Variants in NBAS observed in about 807,000 individuals in gnomAD.
NBAS encodes the protein NBAS subunit of NRZ tethering complex.
A neutral mutation model predicts 302.5 loss-of-function variants in NBAS; 219 were observed. The observed-to-expected ratio is 0.72, with a 90% CI of 0.65 to 0.81. The LOEUF (loss-of-function observed/expected upper bound fraction) is 0.81, where lower values mean the gene tolerates loss of function less well. Among genes scored for constraint, NBAS ranks in the 30% least tolerant of loss-of-function variants. The probability of loss-of-function intolerance (pLI) is 0.00; values close to 1 mark genes in which losing one functional copy is unlikely to be tolerated. For synonymous variants in NBAS, 1,118 were observed against 1,021.6 expected, an observed-to-expected ratio of 1.09 and a Z score of -1.80; for missense variants, 2,932 against 2,841.6, an observed-to-expected ratio of 1.03 and a Z score of -0.72.
the NBAS span, among the ~76,000 whole-genome samples, chr2:15,003,673 C>G: frequency 6.6e-6 from 1 of 152,202 alleles, no homozygotes; most frequent in Non-Finnish European, 1.5e-5. Context: ...TCCTCTGAGC[C>G]TGAGCCCAGC....
chr2:15,536,473 A>G lies in NBAS; in HGVS notation c.592T>C (p.Ser198Pro), dbSNP rs2148684182. The change falls in exon 8 of 52, where the codon TCT (serine) becomes CCT (proline). Residue 198 changes from serine (S) to proline (P), a missense_variant. By Grantham distance (74) the Ser-to-Pro change is moderately conservative. Coordinates refer to ENST00000281513, the MANE Select transcript of NBAS (RefSeq NM_015909.4). The stretch of plus-strand genomic sequence containing the variant: ...TAATTGATGACCAGGAGTTCTGCAG[A>G]CCACTGTGCACTTGCTTTATATTCT... The part of the protein sequence containing the change: ...FLEYKASAQW[S>P]AELLVINYRG... 1 of 1,613,712 alleles carries G rather than the reference A, an allele frequency of 6.2e-7. No individual in the cohort carries two copies. The highest frequency in any genetic ancestry group is 2.2e-5 in the East Asian group (1 of 44,874).
the NBAS span, among the ~76,000 whole-genome samples, chr2:15,131,843 C>T: frequency 3.9e-5 from 6 of 152,114 alleles, no homozygotes; most frequent in Admixed American, 6.5e-5. Context: ...AAAAGTGAAG[C>T]AGAAGCAGGC....
At chr2:15,010,169 A>G in the NBAS span, among the ~76,000 whole-genome samples, 2 of 152,204 alleles carry the variant, frequency 1.3e-5, no homozygotes, top group Non-Finnish European at 2.9e-5. Flanking sequence ...TGACCCATAC[A>G]GGAACACCAA....
intron 44 of NBAS, among the ~76,000 whole-genome samples, chr2:15,239,223 G>C (rs2147947414): frequency 6.6e-6 from 1 of 152,056 alleles, no homozygotes; most frequent in Non-Finnish European, 1.5e-5. Flanking sequence ...GTCATAGAAT[G>C]TTAAAACTTA....
At chr2:15,278,118 G>A (rs1382964074) in intron 42 of NBAS, among the ~76,000 whole-genome samples, 1 of 152,144 alleles carries the variant, frequency 6.6e-6, no homozygotes, top group Non-Finnish European at 1.5e-5. Flanking sequence ...TACTGAAAGT[G>A]CCCAAAGACA....
At chr2:14,990,340 A>C in the NBAS span, among the ~76,000 whole-genome samples, 13,099 of 150,966 alleles carry the variant, frequency 0.087, 1,502 homozygotes, top group African/African-American at 0.25. Flanking sequence ...AGGAGAATCG[A>C]TTGAACCTGG....
chr2:15,297,178 A>G (rs182650468), intron 40 of NBAS, among the ~76,000 whole-genome samples: 112 of 152,340 alleles, frequency 7.4e-4, no homozygotes, highest in Admixed American at 2.2e-3. Flanking sequence ...TAAAGAATGA[A>G]CTTAGATCTA....
the NBAS span, among the ~76,000 whole-genome samples, chr2:15,030,553 G>A: frequency 3.3e-5 from 5 of 152,216 alleles, no homozygotes; most frequent in Admixed American, 6.5e-5. Flanking sequence ...GACAGAGCAG[G>A]TGTGGGCACC....
Position 15,285,468 on chromosome 2 carries a change from T to A in NBAS, c.5138+1605A>T, listed in dbSNP as rs1288129119. Among the ~76,000 whole-genome samples the A allele has an allele frequency of 2.0e-5, 3 of 152,162 alleles. No homozygotes were observed. The East Asian group carries it at 5.8e-4, about 29-fold the overall frequency. On this transcript the variant is annotated intron_variant, in intron 42 of 51. Coordinates refer to ENST00000281513, the MANE Select transcript of NBAS (RefSeq NM_015909.4). The stretch of plus-strand genomic sequence containing the variant: ...TCAAGCACTGCCTCAAGCTTTCTCC[T>A]TTCCTCATTCTCTGTTCTTTCCCCA...
chr2:15,199,247 A>C lies in NBAS; in HGVS notation c.6433-8844T>G, dbSNP rs147046365. On this transcript the variant is annotated intron_variant, in intron 48 of 51. Coordinates refer to ENST00000281513, the MANE Select transcript of NBAS (RefSeq NM_015909.4). ...AAGGAAATATTGCCCTAAGATCACA[A>C]ATCACAAAAGATGAAGCAAATGGGT... is the stretch of plus-strand genomic sequence containing the variant. Among the ~76,000 whole-genome samples, 455 of 152,282 alleles carry C rather than the reference A, an allele frequency of 3.0e-3. 3 individuals are homozygous for C. The highest frequency in any genetic ancestry group is 0.01 in the African/African-American group (424 of 41,558).
chr2:15,290,219 G>A (rs1399683029), intron 41 of NBAS, among the ~76,000 whole-genome samples: 1 of 151,958 alleles, frequency 6.6e-6, no homozygotes, highest in Non-Finnish European at 1.5e-5. Flanking sequence ...GCAAACGGAA[G>A]GACACAAATC....
At chr2:15,539,459 C>T (rs982578362) in intron 6 of NBAS, 103 bp from the exon 7 acceptor site, 72 of 1,364,076 alleles carry the variant, frequency 5.3e-5, no homozygotes, top group South Asian at 8.5e-5. Flanking sequence ...ACAATAATTA[C>T]GTCATCTCCT....
chr2:15,265,349 C>A (rs1352535581), intron 44 of NBAS, among the ~76,000 whole-genome samples: 1 of 152,134 alleles, frequency 6.6e-6, no homozygotes, highest in South Asian at 2.1e-4. Context: ...AGTAATCTGA[C>A]CCTCAGACCA....
chr2:15,287,147 A>C lies in NBAS; in HGVS notation c.5064T>G (p.Ser1688=). 6.2e-7 allele frequency: 1 copy of C among 1,614,076 alleles called. No homozygotes were observed. The highest frequency in any genetic ancestry group is 8.5e-7 in the Non-Finnish European group (1 of 1,179,954). The change falls in exon 42 of 52, where the codon TCT becomes TCG. Residue 1688 remains serine (S), a synonymous_variant. Coordinates refer to ENST00000281513, the MANE Select transcript of NBAS (RefSeq NM_015909.4). ...LEESVYSIAI[S]LAQRYSVSRW... ...GGGAGACACTGTAACGTTGTGCCAG[A>C]GAAATAGCAATGCTGTAGACGCTTT...
chr2:15,372,482 A>C (rs1674533761), intron 31 of NBAS, among the ~76,000 whole-genome samples: 1 of 152,220 alleles, frequency 6.6e-6, no homozygotes, highest in South Asian at 2.1e-4. Context: ...CTACAATAAA[A>C]ATACCTAAAC....
intron 28 of NBAS, among the ~76,000 whole-genome samples, chr2:15,391,668 A>AAAGACCC (rs1309850028): frequency 6.6e-6 from 1 of 152,096 alleles, no homozygotes; most frequent in African/African-American, 2.4e-5. Flanking sequence ...CTATAAACCC[A>AAAGACCC]AAGACCCAAG....
the NBAS span, among the ~76,000 whole-genome samples, chr2:14,787,968 A>G: frequency 3.3e-5 from 5 of 151,706 alleles, no homozygotes; most frequent in Admixed American, 1.3e-4. Flanking sequence ...CCAATCAGAC[A>G]TAGATTTGGT....
chr2:14,935,907 C>G, the NBAS span, among the ~76,000 whole-genome samples: 1 of 152,182 alleles, frequency 6.6e-6, no homozygotes, highest in Non-Finnish European at 1.5e-5. Flanking sequence ...TCTCCCTGGC[C>G]CACCCCTAGG....
chr2:15,330,818 G>A (rs1672305270), intron 35 of NBAS, 53 bp from the exon 36 acceptor site: 1 of 1,576,454 alleles, frequency 6.3e-7, no homozygotes, highest in African/African-American at 1.3e-5. Flanking sequence ...CATAAGAACA[G>A]AGAAGACAGT....
Sources: allele counts gnomAD v4.1 joint callset (sites outside exome capture counted in the v4.1 genomes callset), GRCh38; gene constraint gnomAD v4.1.1; transcripts MANE v1.5; gene names NCBI Gene and HGNC (gene_info 2026-07-23, HGNC 2026-07-21).